The following ACSL1 variants were observed in gnomAD, a reference collection of about 807,000 sequenced individuals.
The protein encoded by ACSL1 is acyl-CoA synthetase long chain family member 1, also known as long-chain-fatty-acid--CoA ligase 1.
A neutral mutation model predicts 98.4 loss-of-function variants in ACSL1; 41 were observed. That is an observed-to-expected ratio of 0.42 (90% CI 0.32 to 0.54). The LOEUF is 0.54. Ranked by LOEUF, ACSL1 falls within the 20% of genes least tolerant of loss-of-function variation. The probability of loss-of-function intolerance (pLI) is 0.13; values close to 1 mark genes in which losing one functional copy is unlikely to be tolerated. For missense variants in ACSL1, 734 were observed against 883.1 expected, an observed-to-expected ratio of 0.83 and a Z score of 2.14; for synonymous variants, 316 against 322.7, an observed-to-expected ratio of 0.98 and a Z score of 0.22.
intron 2 of ACSL1, chr4:184,798,551 G>A (rs560725345): frequency 3.8e-5 from 7 of 182,156 alleles, no homozygotes; most frequent in East Asian, 1.3e-4. Context: ...ACTTGCATGG[G>A]GCTCATCACC....
Position 184,783,960 on chromosome 4 carries a change from T to C in ACSL1, c.342A>G (p.Pro114=). ...NNGPCLGSRK[P]DQPYEWLSYK... Reference sequence around the variant, plus strand: ...ATGAAAGCCATTCATAGGGTTGGTCTGGTTTCCGAGAGCCTAAACAAGGGC... The same window carrying C: ...ATGAAAGCCATTCATAGGGTTGGTCCGGTTTCCGAGAGCCTAAACAAGGGC... Residue 114 remains proline (P), a synonymous_variant, in exon 4 of 21, where the codon CCA becomes CCG. Coordinates refer to ENST00000281455, the MANE Select transcript of ACSL1 (RefSeq NM_001995.5). 2.3e-5 allele frequency: 37 copies of C among 1,613,982 alleles called. No homozygotes were observed. The highest frequency in any genetic ancestry group is 3.1e-5 in the Non-Finnish European group (37 of 1,179,926).
chr4:184,817,769 G>A (rs1302402009), intron 1 of ACSL1, among the ~76,000 whole-genome samples: 4 of 152,142 alleles, frequency 2.6e-5, no homozygotes, highest in African/African-American at 9.7e-5. Flanking sequence ...ACTGGTGACC[G>A]TCGCCTGGCC....
chr4:184,804,587 GAAA>G (rs56884755), intron 1 of ACSL1, among the ~76,000 whole-genome samples: 23 of 94,266 alleles, frequency 2.4e-4, no homozygotes, highest in African/African-American at 7.7e-4. Context: ...TCTCAAAAAA[GAAA>G]AAAAAAAAAA....
At chr4:184,769,070 A>AATATATATATATATATATATAT (rs34360556) in intron 11 of ACSL1, among the ~76,000 whole-genome samples, 111 of 147,708 alleles carry the variant, frequency 7.5e-4, no homozygotes, top group Middle Eastern at 3.5e-3. Context: ...CTCTGTCTCA[A>AATATATATATATATATATATAT]ATATATATAT....
chr4:184,766,902 C>T lies in ACSL1; in HGVS notation c.1129-146G>A. The T allele has an allele frequency of 1.1e-6, 1 of 889,068 alleles. No homozygotes were observed. The highest frequency in any genetic ancestry group is 1.7e-5 in the South Asian group (1 of 57,446). 55.1% of individuals were successfully genotyped at this position (889,068 alleles called of 1,614,324 possible). A position where few individuals can be genotyped will look rare whatever the true frequency, so the allele number is the denominator to read the frequency against. On this transcript the variant is annotated intron_variant, in intron 12 of 20. Transcript: ENST00000281455. This position sits in a 1 kb window ranked among gnomAD's most constrained non-coding sequence, Gnocchi z 4.8. ...CAGCCTGGCCGGTCCTCTAACGGCCCCACATGGTCAGCACAGGACAGCAAT... is the reference window on the plus strand; with the variant it reads ...CAGCCTGGCCGGTCCTCTAACGGCCTCACATGGTCAGCACAGGACAGCAAT...
intron 3 of ACSL1, among the ~76,000 whole-genome samples, chr4:184,784,298 C>T (rs1487817474): frequency 1.3e-5 from 2 of 152,142 alleles, no homozygotes; most frequent in African/African-American, 4.8e-5. Context: ...TGGTTTAGAC[C>T]AGGAGTCAGC....
intron 18 of ACSL1, among the ~76,000 whole-genome samples, chr4:184,759,372 A>T (rs946707855): frequency 6.6e-6 from 1 of 152,230 alleles, no homozygotes; most frequent in African/African-American, 2.4e-5. Context: ...CTGCACAGCA[A>T]AAGAAACTAC....
At chr4:184,811,785 A>T (rs1306980848) in intron 1 of ACSL1, among the ~76,000 whole-genome samples, 2 of 152,180 alleles carry the variant, frequency 1.3e-5, no homozygotes, top group African/African-American at 4.8e-5. Context: ...GTAACTGTAT[A>T]CTTAAAAATG....
At chr4:184,772,954 T>C in intron 10 of ACSL1, 127 bp downstream of exon 10, 1 of 801,982 alleles carries the variant, frequency 1.2e-6, no homozygotes. Context: ...GTTCTGACCT[T>C]ACCCATATGT....
At chr4:184,820,563 T>A (rs1423657386) in intron 1 of ACSL1, among the ~76,000 whole-genome samples, 2 of 152,148 alleles carry the variant, frequency 1.3e-5, no homozygotes, top group Admixed American at 1.3e-4. Flanking sequence ...GAGACCCAGC[T>A]CTGTCCTTCC....
intron 5 of ACSL1, among the ~76,000 whole-genome samples, chr4:184,778,841 GA>G (rs962593715): frequency 2.0e-5 from 3 of 151,698 alleles, no homozygotes; most frequent in African/African-American, 7.3e-5. Context: ...CATTTGGGAT[GA>G]AAAAAACTAA....
rs1762300798 is a variant in ACSL1, at chr4:184,757,739, T to A, written c.1885-33A>T. 1 of 1,612,190 alleles carries A rather than the reference T, an allele frequency of 6.2e-7. No homozygotes were observed. Among genetic ancestry groups the A allele is most frequent in the East Asian group, 2.2e-5 (1 of 44,856 alleles). The stretch of plus-strand genomic sequence containing the variant: ...GGTAAGAAAAATAAATTACTTCCTC[T>A]GTTAGAGGTCCCTGAATATCTACAG... On this transcript the variant is annotated intron_variant, in intron 19 of 20. Transcript: ENST00000281455. The surrounding 1 kb of genome is among the most constrained non-coding windows in gnomAD (Gnocchi z 4.5).
intron 5 of ACSL1, among the ~76,000 whole-genome samples, chr4:184,779,376 T>C (rs1765846744): frequency 6.6e-6 from 1 of 152,228 alleles, no homozygotes; most frequent in African/African-American, 2.4e-5. Flanking sequence ...CCTGCCATGA[T>C]TCTGAGGCCC....
In ACSL1 at chr4:184,794,451, C is replaced by T. The variant is rs142364696; in HGVS notation, c.196-5720G>A. Among the ~76,000 whole-genome samples, 6 of 152,326 alleles carry T rather than the reference C, an allele frequency of 3.9e-5. No homozygotes were observed. In the East Asian group the frequency reaches 7.7e-4, roughly 20 times the overall value. ...ACAATGAGGCCTCACGCTCACTATT[C>T]GTACTCACTACTGAACTAGCTGACT... On this transcript the variant is annotated intron_variant, in intron 2 of 20. Transcript: ENST00000281455.
intron 1 of ACSL1, among the ~76,000 whole-genome samples, chr4:184,816,339 G>T (rs1269045252): frequency 6.6e-6 from 1 of 152,110 alleles, no homozygotes; most frequent in Non-Finnish European, 1.5e-5. Flanking sequence ...GGAGAAGAGA[G>T]GTACTGGTGA....
At chr4:184,792,458 CAG>C (rs1044237640) in intron 2 of ACSL1, among the ~76,000 whole-genome samples, 4 of 151,778 alleles carry the variant, frequency 2.6e-5, no homozygotes, top group Admixed American at 1.3e-4. Flanking sequence ...TTTCCCGAAA[CAG>C]GGGCAGGCTC....
intron 2 of ACSL1, among the ~76,000 whole-genome samples, chr4:184,797,216 C>T (rs965340155): frequency 6.6e-6 from 1 of 152,224 alleles, no homozygotes. Flanking sequence ...CCGCCCTTAG[C>T]GTTTCCACTG....
Position 184,803,218 on chromosome 4 carries a change from T to C in ACSL1, c.195+102A>G. The C allele has an allele frequency of 8.4e-7, 1 of 1,194,936 alleles. No homozygotes were observed. The highest frequency in any genetic ancestry group is 1.1e-6 in the Non-Finnish European group (1 of 880,954). The allele number at this position is 1,194,936 out of a possible 1,614,324, so 74.0% of individuals were successfully genotyped here. ...CATTTCCATTTACAAAGTGCAGTTA[T>C]AAACAAATATTTGATCTTGATGGCT... On this transcript the variant is annotated intron_variant, in intron 2 of 20. Coordinates refer to ENST00000281455, the MANE Select transcript of ACSL1 (RefSeq NM_001995.5). The surrounding 1 kb of genome is among the most constrained non-coding windows in gnomAD (Gnocchi z 4.8).
intron 1 of ACSL1, among the ~76,000 whole-genome samples, chr4:184,820,125 C>T (rs1164150182): frequency 2.6e-5 from 4 of 152,252 alleles, no homozygotes; most frequent in Non-Finnish European, 4.4e-5. Flanking sequence ...CACCCCCCTC[C>T]GATCCCTGCA....
Sources: gnomAD v4.1 joint callset for allele counts (sites outside exome capture counted in the v4.1 genomes callset) on GRCh38, gnomAD v4.1.1 for gene constraint, Gnocchi (gnomAD v3.1) non-coding constraint, MANE v1.5 for transcripts, NCBI Gene and HGNC (gene_info 2026-07-23, HGNC 2026-07-21) for gene names.